DOCK4: variants seen among roughly 807,000 people sequenced by gnomAD.
The protein encoded by DOCK4 is dedicator of cytokinesis 4, also known as dedicator of cytokinesis protein 4.
In DOCK4, 97 loss-of-function variants were observed where a neutral mutation model predicts 268.1. That is an observed-to-expected ratio of 0.36 (90% CI 0.31 to 0.43). The LOEUF (loss-of-function observed/expected upper bound fraction) is 0.43, where lower values mean the gene tolerates loss of function less well. DOCK4 is among the 20% of genes least tolerant of loss of function. The pLI is 1.00. For missense variants in DOCK4, 2,145 were observed against 2,455.7 expected, an observed-to-expected ratio of 0.87 and a Z score of 2.67; for synonymous variants, 954 against 887.2, an observed-to-expected ratio of 1.08 and a Z score of -1.34.
At chr7:111,917,546 T>C (rs1488799085) in intron 12 of DOCK4, among the ~76,000 whole-genome samples, 1 of 151,458 alleles carries the variant, frequency 6.6e-6, no homozygotes, top group Non-Finnish European at 1.5e-5. Context: ...ACCCCACCTC[T>C]ACCAAAAAAA....
chr7:111,778,323 T>C lies in DOCK4; in HGVS notation c.3632A>G (p.Tyr1211Cys), dbSNP rs1272257549. ...ATGCAGATCATAGAGTTTGTGAATG[T>C]AGCGTATATACATCTCCTCCTTGTT... ...ELNKEEMYIR[Y>C]IHKLYDLHLK... The change falls in exon 36 of 53, where the codon TAC becomes TGC. Residue 1211 changes from tyrosine to cysteine, a missense_variant. Physicochemically the swap from Tyr to Cys is radical, Grantham distance 194. This residue lies in a region of DOCK4 where 1,598 missense variants were observed against 1,986.7 expected (regional missense o/e 0.80). Coordinates refer to ENST00000428084, the MANE Select transcript of DOCK4 (RefSeq NM_001363540.2). The C allele has an allele frequency of 6.2e-7, 1 of 1,613,130 alleles. No individual in the cohort carries two copies. Among genetic ancestry groups the C allele is most frequent in the Non-Finnish European group, 8.5e-7 (1 of 1,179,304 alleles).
chr7:111,787,753 A>G (rs1799275441), intron 32 of DOCK4, among the ~76,000 whole-genome samples: 1 of 152,266 alleles, frequency 6.6e-6, no homozygotes, highest in South Asian at 2.1e-4. Context: ...GGGCATAAAT[A>G]CAAACACGAA....
chr7:111,904,387 T>C (rs779218251), intron 13 of DOCK4, among the ~76,000 whole-genome samples: 3 of 151,990 alleles, frequency 2.0e-5, no homozygotes, highest in African/African-American at 2.4e-5. Context: ...TGCTGAGCGA[T>C]AATAGGCACT....
chr7:112,072,769 T>A (rs1037297990), intron 1 of DOCK4, among the ~76,000 whole-genome samples: 1 of 152,204 alleles, frequency 6.6e-6, no homozygotes, highest in African/African-American at 2.4e-5. Flanking sequence ...AGCTTCCTGA[T>A]AAGATCTCAG....
chr7:112,015,439 T>C (rs977264519), intron 1 of DOCK4, among the ~76,000 whole-genome samples: 1 of 152,176 alleles, frequency 6.6e-6, no homozygotes, highest in African/African-American at 2.4e-5. Context: ...CTGCTCTGTC[T>C]ATGGAGTAGC....
At chr7:111,814,534 T>C (rs942413151) in intron 27 of DOCK4, among the ~76,000 whole-genome samples, 2 of 152,162 alleles carry the variant, frequency 1.3e-5, no homozygotes, top group Non-Finnish European at 2.9e-5. Context: ...GTGATCTAGT[T>C]AAAGTGCAGA....
At chr7:111,782,531 A>G (rs1043519882) in intron 35 of DOCK4, among the ~76,000 whole-genome samples, 1 of 152,200 alleles carries the variant, frequency 6.6e-6, no homozygotes, top group Non-Finnish European at 1.5e-5. Flanking sequence ...CAGGGGATAC[A>G]GTGCTTTTTG....
rs1290470719 is a variant in DOCK4, at chr7:111,739,308, G to A, written c.5123-65C>T. ...TGGTGCTGCACCTGTTTGGAGGCGA[G>A]AGCCTGAACGTGTGGCAGCTGGCCA... On this transcript the variant is annotated intron_variant, in intron 48 of 52. Transcript: ENST00000428084. The A allele has an allele frequency of 4.4e-6, 7 of 1,592,570 alleles. No individual in the cohort carries two copies. The Middle Eastern group carries it at 5.0e-4, about 113-fold the overall frequency.
At chr7:112,128,012 G>C (rs916111386) in intron 1 of DOCK4, among the ~76,000 whole-genome samples, 12 of 152,220 alleles carry the variant, frequency 7.9e-5, no homozygotes, top group African/African-American at 2.9e-4. Context: ...CTGGGCAACA[G>C]AGCGAGACTC....
intron 31 of DOCK4, 99 bp from the exon 32 acceptor site, chr7:111,788,846 G>T: frequency 9.0e-7 from 1 of 1,112,494 alleles, no homozygotes; most frequent in Non-Finnish European, 1.3e-6. Flanking sequence ...AAAAGCCATG[G>T]TAAATTTTGT....
At chr7:112,011,746 C>CAAAAA (rs1302082225) in intron 1 of DOCK4, among the ~76,000 whole-genome samples, 1 of 56,352 alleles carries the variant, frequency 1.8e-5, no homozygotes, top group African/African-American at 6.3e-5. Flanking sequence ...AACTGAAGGT[C>CAAAAA]AAAAAAAAAA....
intron 4 of DOCK4, among the ~76,000 whole-genome samples, chr7:111,995,055 A>G (rs10254164): frequency 0.73 from 109,876 of 149,946 alleles, 41,784 homozygotes; most frequent in East Asian, 0.99. Flanking sequence ...TTTTGAGAAC[A>G]GAGTCTTGCT....
chr7:112,108,238 C>T (rs1159856380), intron 1 of DOCK4, among the ~76,000 whole-genome samples: 1 of 152,090 alleles, frequency 6.6e-6, no homozygotes, highest in East Asian at 1.9e-4. Flanking sequence ...ATAAATACCA[C>T]TCTCTAATAA....
intron 13 of DOCK4, among the ~76,000 whole-genome samples, chr7:111,911,724 T>C (rs1464134907): frequency 6.6e-6 from 1 of 152,204 alleles, no homozygotes. Context: ...CATCTTGCTT[T>C]ATATTTTTCA....
chr7:111,740,311 G>C (rs1271048349), intron 47 of DOCK4: 1 of 238,506 alleles, frequency 4.2e-6, no homozygotes, highest in Non-Finnish European at 8.6e-6. Flanking sequence ...TGCTGGCCAG[G>C]ATGGTCTCGA....
At chr7:112,001,633 C>T (rs1192762895) in intron 2 of DOCK4, among the ~76,000 whole-genome samples, 2 of 152,036 alleles carry the variant, frequency 1.3e-5, no homozygotes, top group Non-Finnish European at 2.9e-5. Flanking sequence ...AAATCATATG[C>T]TGAGGTTGCT....
At position 112,184,709 on chromosome 7, in the gene DOCK4, C is replaced by T. The variant is rs1819346380; in HGVS notation, c.37+21393G>A. Among the ~76,000 whole-genome samples the T allele has an allele frequency of 3.9e-5, 6 of 152,162 alleles. No homozygotes were observed. The South Asian group carries it at 1.0e-3, about 26-fold the overall frequency. On this transcript the variant is annotated intron_variant, in intron 1 of 52. Coordinates refer to ENST00000428084, the MANE Select transcript of DOCK4 (RefSeq NM_001363540.2). Reference sequence around the variant, plus strand: ...GGACACTGGTTCCCAGAAGTGTGAGCTAAGTCCTTCTCAGTGGGCTTGTGA... The same window carrying T: ...GGACACTGGTTCCCAGAAGTGTGAGTTAAGTCCTTCTCAGTGGGCTTGTGA...
chr7:111,976,530 A>G (rs1398078054), intron 8 of DOCK4: 1 of 151,664 alleles, frequency 6.6e-6, no homozygotes, highest in African/African-American at 2.4e-5. Flanking sequence ...AGGAGTTGAG[A>G]CTTTCGAATA....
chr7:112,087,923 C>T (rs1322340254), intron 1 of DOCK4, among the ~76,000 whole-genome samples: 1 of 152,072 alleles, frequency 6.6e-6, no homozygotes, highest in Non-Finnish European at 1.5e-5. Flanking sequence ...GTAATTACTA[C>T]TCCAACACAA....
Sources: gnomAD v4.1 joint callset for allele counts (sites outside exome capture counted in the v4.1 genomes callset) on GRCh38, gnomAD v4.1.1 for gene constraint, gnomAD v4.1.1 regional missense constraint, MANE v1.5 for transcripts, NCBI Gene and HGNC (gene_info 2026-07-23, HGNC 2026-07-21) for gene names.